Variants in STARD8 observed in about 807,000 individuals in gnomAD.
STARD8 encodes the protein stAR-related lipid transfer protein 8.
STARD8 carries 25 observed loss-of-function variants against 69.4 expected under a neutral mutation model. The ratio of observed to expected loss-of-function variants is 0.36; its 90% CI spans 0.26 to 0.50. STARD8 has a LOEUF of 0.50. Ranked by LOEUF, STARD8 falls within the 20% of genes least tolerant of loss-of-function variation. STARD8 has a pLI of 0.96. For missense variants in STARD8, 921 were observed against 932.5 expected (o/e 0.99, Z 0.16); for synonymous variants, 389 against 374.6 (o/e 1.04, Z -0.45).
At chrX:68,711,195 A>C (rs1428983088) in intron 2 of STARD8, among the ~76,000 whole-genome samples, 2 of 109,756 alleles carry the variant, frequency 1.8e-5, no homozygotes, top group African/African-American at 6.8e-5. Flanking sequence ...AGGAAGTTGC[A>C]GTAACATAAA....
Position 68,680,614 on chromosome X carries a change from C to G in STARD8, c.79+15082C>G, listed in dbSNP as rs145202515. Among the ~76,000 whole-genome samples the G allele has an allele frequency of 5.3e-3, 596 of 112,198 alleles. 6 individuals carry two copies. Among genetic ancestry groups the G allele is most frequent in the African/African-American group, 0.018 (569 of 30,933 alleles). On this transcript the variant is annotated intron_variant, in intron 2 of 14. Coordinates refer to ENST00000374599, the MANE Select transcript of STARD8 (RefSeq NM_001142503.3). ...TGGACAGAGCCCTGGAATCCTGAGC[C>G]AGACTGCAAGGCATGTGTTACTGTG... is the stretch of plus-strand genomic sequence containing the variant.
chrX:68,650,738 G>A (rs1282959996), intron 1 of STARD8, among the ~76,000 whole-genome samples: 2 of 109,845 alleles, frequency 1.8e-5, no homozygotes, highest in Non-Finnish European at 3.8e-5. Context: ...AGTCATGATC[G>A]CACCACTGCA....
At chrX:68,691,968 T>G (rs7884841) in intron 2 of STARD8, among the ~76,000 whole-genome samples, 9,925 of 112,314 alleles carry the variant, frequency 0.088, 1,023 homozygotes, top group African/African-American at 0.3. Flanking sequence ...TGTGCTTGGT[T>G]TCCTGGAGTG....
intron 2 of STARD8, chrX:68,693,772 T>C (rs985288798): frequency 2.7e-6 from 2 of 754,050 alleles, no homozygotes; most frequent in East Asian, 3.0e-4. Context: ...GCTCGCCTCC[T>C]GCCCGCTCGC....
At chrX:68,714,788 C>T (rs2080078428) in intron 3 of STARD8, among the ~76,000 whole-genome samples, 1 of 112,154 alleles carries the variant, frequency 8.9e-6, no homozygotes, top group South Asian at 3.7e-4. Flanking sequence ...CTCAGATTCT[C>T]TCTTCCATTC....
intron 1 of STARD8, among the ~76,000 whole-genome samples, chrX:68,655,275 C>T (rs1017995103): frequency 2.3e-4 from 26 of 111,989 alleles, no homozygotes; most frequent in African/African-American, 8.4e-4. Context: ...TGTACATGTG[C>T]ACATATGAGA....
chrX:68,716,229 G>A, intron 4 of STARD8, 139 bp from the exon 5 acceptor site: 1 of 525,654 alleles, frequency 1.9e-6, no homozygotes, highest in Admixed American at 3.2e-5. Flanking sequence ...ATTGTGTCTG[G>A]TTCTTAAACC....
intron 1 of STARD8, among the ~76,000 whole-genome samples, chrX:68,649,237 G>C (rs886322480): frequency 9.0e-6 from 1 of 110,831 alleles, no homozygotes; most frequent in Non-Finnish European, 1.9e-5. Context: ...TCCAAAAGTG[G>C]GGGAAGGGCA....
At chrX:68,714,824 C>G (rs1455798497) in intron 3 of STARD8, among the ~76,000 whole-genome samples, 1 of 111,835 alleles carries the variant, frequency 8.9e-6, no homozygotes, top group Admixed American at 9.4e-5. Flanking sequence ...TTCCCCTCTC[C>G]CCTCCCTAAG....
At chrX:68,652,972 CCACACACCACA>C (rs2079565779) in intron 1 of STARD8, among the ~76,000 whole-genome samples, 3 of 34,003 alleles carry the variant, frequency 8.8e-5, no homozygotes, top group African/African-American at 2.3e-4. Flanking sequence ...ACACCACACA[CCACACACCACA>C]CACACACCAC....
chrX:68,691,362 T>G (rs932232783), intron 2 of STARD8, among the ~76,000 whole-genome samples: 3 of 111,344 alleles, frequency 2.7e-5, no homozygotes, highest in Non-Finnish European at 5.7e-5. Flanking sequence ...GAAATGGGCC[T>G]GTGAAAAGAT....
At chrX:68,685,682 G>C (rs1160843032) in intron 2 of STARD8, among the ~76,000 whole-genome samples, 2 of 112,679 alleles carry the variant, frequency 1.8e-5, no homozygotes, top group Non-Finnish European at 3.7e-5. Context: ...AACTGCCCCG[G>C]CCTAGATGAT....
intron 12 of STARD8, among the ~76,000 whole-genome samples, chrX:68,722,926 C>A (rs951184889): frequency 8.9e-6 from 1 of 112,958 alleles, no homozygotes; most frequent in African/African-American, 3.2e-5. Flanking sequence ...CAACTCCCAT[C>A]TCTCCCTGCC....
At chrX:68,653,163 A>T (rs1449794501) in intron 1 of STARD8, among the ~76,000 whole-genome samples, 1 of 48,266 alleles carries the variant, frequency 2.1e-5, no homozygotes, top group Non-Finnish European at 3.8e-5. Context: ...CCAAACACAC[A>T]CACCACACAC....
intron 2 of STARD8, among the ~76,000 whole-genome samples, chrX:68,696,397 A>T (rs983180927): frequency 8.9e-6 from 1 of 112,043 alleles, no homozygotes; most frequent in Non-Finnish European, 1.9e-5. Flanking sequence ...GAATCAGTGG[A>T]CTGGAGGCCA....
chrX:68,664,686 C>A lies in STARD8; in HGVS notation c.46-813C>A, dbSNP rs192447758. On this transcript the variant is annotated intron_variant, in intron 1 of 14. Transcript: ENST00000374599. ...CTCATCCTGTCTTTAAAAGTTTCTC[C>A]TTCTTGGTTCTTAGTGATGACTGAA... is the stretch of plus-strand genomic sequence containing the variant. 1.7e-3 allele frequency among the ~76,000 whole-genome samples: 190 copies of A among 111,684 alleles called. 1 individual carries two copies. The highest frequency in any genetic ancestry group is 5.4e-3 in the African/African-American group (167 of 30,723).
At chrX:68,671,066 C>A (rs1424958203) in intron 2 of STARD8, among the ~76,000 whole-genome samples, 1 of 112,281 alleles carries the variant, frequency 8.9e-6, no homozygotes, top group East Asian at 2.8e-4. Context: ...AAAGTTCTCT[C>A]TTTAAAAGAA....
At chrX:68,688,662 T>G (rs1462157381) in intron 2 of STARD8, among the ~76,000 whole-genome samples, 1 of 112,331 alleles carries the variant, frequency 8.9e-6, no homozygotes, top group Non-Finnish European at 1.9e-5. Flanking sequence ...TGGATACCCA[T>G]AGCCCCAAGG....
In STARD8 at chrX:68,652,997, C is replaced by CCA. The variant is rs1369723673; in HGVS notation, c.45+5080_45+5081dup. 2.8e-3 allele frequency among the ~76,000 whole-genome samples: 115 copies of CCA among 41,211 alleles called. 2 individuals are homozygous for CCA. The highest frequency in any genetic ancestry group is 6.1e-3 in the South Asian group (4 of 654). 35.8% of individuals were successfully genotyped at this position (41,211 alleles called of 115,157 possible). A position where few individuals can be genotyped will look rare whatever the true frequency, so the allele number is the denominator to read the frequency against. ...CCACACACCACACACACACCACACA[C>CCA]CACACACACACCACCACACACACAC... On this transcript the variant is annotated intron_variant, in intron 1 of 14. Transcript: ENST00000374599.
Sources: gnomAD v4.1 joint callset for allele counts (sites outside exome capture counted in the v4.1 genomes callset) on GRCh38, gnomAD v4.1.1 for gene constraint, MANE v1.5 for transcripts, NCBI Gene and HGNC (gene_info 2026-07-23, HGNC 2026-07-21) for gene names.